Variants in RHOT1 observed in about 807,000 individuals in gnomAD.
RHOT1 encodes ras homolog family member T1.
RHOT1 carries 27 observed loss-of-function variants against 95.3 expected under a neutral mutation model. The observed-to-expected ratio is 0.28, with a 90% CI of 0.21 to 0.39. RHOT1 has a LOEUF of 0.39. Ranked by LOEUF, RHOT1 falls within the 10% of genes least tolerant of loss-of-function variation. RHOT1 has a pLI of 1.00. For missense variants in RHOT1, 578 were observed against 786.7 expected, an observed-to-expected ratio of 0.73 and a Z score of 3.17; for synonymous variants, 227 against 263.5, an observed-to-expected ratio of 0.86 and a Z score of 1.34.
At chr17:32,203,036 A>G (rs112046771) in intron 15 of RHOT1, 136 bp downstream of exon 15, 289 of 783,112 alleles carry the variant, frequency 3.7e-4, no homozygotes, top group African/African-American at 3.2e-3. Context: ...TACAGTCTAA[A>G]TGTAACAGTA....
intron 1 of RHOT1, among the ~76,000 whole-genome samples, chr17:32,144,528 C>T (rs1170459497): frequency 6.6e-6 from 1 of 151,832 alleles, no homozygotes; most frequent in Non-Finnish European, 1.5e-5. Flanking sequence ...CAGAGCAAGA[C>T]TCTGTCTGAA....
At chr17:32,166,570 C>A (rs1158396988) in intron 1 of RHOT1, among the ~76,000 whole-genome samples, 1 of 152,184 alleles carries the variant, frequency 6.6e-6, no homozygotes, top group African/African-American at 2.4e-5. Flanking sequence ...CCTCTCAAAC[C>A]CTACTGCTGC....
intron 5 of RHOT1, 59 bp from the exon 6 acceptor site, chr17:32,176,102 G>C: frequency 6.3e-7 from 1 of 1,587,034 alleles, no homozygotes; most frequent in East Asian, 2.2e-5. Flanking sequence ...GGGGTCTAAG[G>C]GAAGAGTGTT....
chr17:32,165,350 A>C (rs1268377794), intron 1 of RHOT1, among the ~76,000 whole-genome samples: 5 of 150,136 alleles, frequency 3.3e-5, no homozygotes, highest in Non-Finnish European at 7.4e-5. Flanking sequence ...AAAAAAAAAA[A>C]AAAAAAAAAA....
At chr17:32,177,171 G>T (rs2142570228) in intron 6 of RHOT1, among the ~76,000 whole-genome samples, 1 of 152,330 alleles carries the variant, frequency 6.6e-6, no homozygotes, top group East Asian at 1.9e-4. Context: ...ACCCTTTAGA[G>T]CTCTGCTGTC....
chr17:32,157,844 C>T (rs927846289), intron 1 of RHOT1, among the ~76,000 whole-genome samples: 12 of 151,892 alleles, frequency 7.9e-5, no homozygotes, highest in Admixed American at 7.2e-4. Flanking sequence ...AAAAAGAATA[C>T]GTGTGTCTTA....
At chr17:32,151,474 C>G (rs2032278920) in intron 1 of RHOT1, 4 of 612,288 alleles carry the variant, frequency 6.5e-6, no homozygotes, top group Non-Finnish European at 1.2e-5. Flanking sequence ...AAGAGTCTAG[C>G]TAGGGATTCT....
intron 8 of RHOT1, among the ~76,000 whole-genome samples, chr17:32,189,184 A>G (rs935578191): frequency 1.3e-5 from 2 of 152,196 alleles, no homozygotes; most frequent in Non-Finnish European, 2.9e-5. Context: ...CTGTAGCCCT[A>G]GCTACTTAGG....
intron 1 of RHOT1, among the ~76,000 whole-genome samples, chr17:32,161,964 C>G (rs564533916): frequency 6.6e-6 from 1 of 152,334 alleles, no homozygotes; most frequent in East Asian, 1.9e-4. Flanking sequence ...GCTTCTTTCT[C>G]TGTAGGGTCA....
Position 32,208,119 on chromosome 17 carries a change from G to A in RHOT1, c.1549G>A (p.Asp517Asn). The A allele has an allele frequency of 6.2e-7, 1 of 1,613,742 alleles. No homozygotes were observed. The highest frequency in any genetic ancestry group is 8.5e-7 in the Non-Finnish European group (1 of 1,179,768). ...TTTTATTCCATAGCAACACTTTATG[G>A]ACAGCAGAATACCTTGCTTAATCGT... Reference protein sequence around the residue: ...CARIFKQHFMDSRIPCLIVAA... With the variant: ...CARIFKQHFMNSRIPCLIVAA... The change falls in exon 18 of 20, where the codon GAC becomes AAC. Residue 517 changes from aspartate to asparagine, a missense_variant. Physicochemically the swap from Asp to Asn is conservative, Grantham distance 23. Coordinates refer to ENST00000545287, the MANE Select transcript of RHOT1 (RefSeq NM_001033566.3).
At chr17:32,193,288 C>A in intron 10 of RHOT1, 44 bp downstream of exon 10, 1 of 1,299,310 alleles carries the variant, frequency 7.7e-7, no homozygotes. Context: ...TTAATATTTT[C>A]AAAATTTGGC....
intron 16 of RHOT1, among the ~76,000 whole-genome samples, chr17:32,206,441 CTTTTTTTTTTTT>C (rs34176535): frequency 1.5e-5 from 1 of 67,008 alleles, no homozygotes; most frequent in Non-Finnish European, 3.0e-5. Context: ...TCTATACTTT[CTTTTTTTTTTTT>C]TTTTTTTTTT....
intron 1 of RHOT1, among the ~76,000 whole-genome samples, chr17:32,146,899 AT>A (rs71144808): frequency 0.14 from 13,930 of 97,992 alleles, 889 homozygotes; most frequent in South Asian, 0.17. Flanking sequence ...ATTTTTGTAA[AT>A]TTTTTTTTTT....
chr17:32,150,336 G>T (rs773807650), intron 1 of RHOT1: 7 of 330,730 alleles, frequency 2.1e-5, no homozygotes, highest in Middle Eastern at 6.7e-4. Context: ...TTCCAATTTT[G>T]AACTTTTGCT....
At chr17:32,178,139 A>ACCAC (rs2035172978) in intron 6 of RHOT1, among the ~76,000 whole-genome samples, 1 of 151,662 alleles carries the variant, frequency 6.6e-6, no homozygotes. Flanking sequence ...GAGTCGATCG[A>ACCAC]CCACCCAGCT....
chr17:32,158,709 C>A (rs1170595463), intron 1 of RHOT1, among the ~76,000 whole-genome samples: 1 of 152,182 alleles, frequency 6.6e-6, no homozygotes, highest in Non-Finnish European at 1.5e-5. Flanking sequence ...CCGCCCACCT[C>A]AGCCTCCCAA....
At chr17:32,219,965 A>G (rs925995210) in intron 19 of RHOT1, among the ~76,000 whole-genome samples, 1 of 152,198 alleles carries the variant, frequency 6.6e-6, no homozygotes, top group Non-Finnish European at 1.5e-5. Context: ...ACATAGACAC[A>G]CGTACACATT....
chr17:32,158,524 A>G (rs746020967), intron 1 of RHOT1, among the ~76,000 whole-genome samples: 1 of 151,734 alleles, frequency 6.6e-6, no homozygotes, highest in Non-Finnish European at 1.5e-5. Context: ...GCGCCATGCA[A>G]TCTCGGCTCA....
intron 1 of RHOT1, among the ~76,000 whole-genome samples, chr17:32,162,802 A>G (rs1223320301): frequency 3.3e-5 from 5 of 152,152 alleles, no homozygotes; most frequent in Non-Finnish European, 7.3e-5. Flanking sequence ...AATTTAATAT[A>G]AATTGTGTGG....
Sources: allele counts gnomAD v4.1 joint callset (sites outside exome capture counted in the v4.1 genomes callset), GRCh38; gene constraint gnomAD v4.1.1; transcripts MANE v1.5; gene names NCBI Gene and HGNC (gene_info 2026-07-23, HGNC 2026-07-21).